Variants in CELF5 observed in about 807,000 individuals in gnomAD.
CELF5 encodes the protein CUG-BP and ETR-3 like factor 5.
Under a neutral mutation model 54.9 loss-of-function variants are expected in CELF5, and 6 were observed. That is an observed-to-expected ratio of 0.11 (90% CI 0.06 to 0.22). The LOEUF (loss-of-function observed/expected upper bound fraction) is 0.22. Among genes scored for constraint, CELF5 ranks in the 10% least tolerant of loss-of-function variants. CELF5 has a pLI of 1.00. For missense variants in CELF5, 401 were observed against 678.6 expected (o/e 0.59, Z 4.54); for synonymous variants, 271 against 290.9 (o/e 0.93, Z 0.70).
intron 1 of CELF5, among the ~76,000 whole-genome samples, chr19:3,226,320 C>T (rs898757216): frequency 6.6e-6 from 1 of 151,936 alleles, no homozygotes; most frequent in Non-Finnish European, 1.5e-5. Context: ...CAAGAAGGCC[C>T]TAGGGAGGGT....
At chr19:3,280,210 C>G (rs2080125325) in intron 5 of CELF5, among the ~76,000 whole-genome samples, 1 of 152,088 alleles carries the variant, frequency 6.6e-6, no homozygotes. Context: ...GCCCCCAGTC[C>G]CCACCAGTGG....
intron 11 of CELF5, 74 bp from the exon 12 acceptor site, chr19:3,293,245 C>T: frequency 6.3e-7 from 1 of 1,584,456 alleles, no homozygotes; most frequent in South Asian, 1.2e-5. Flanking sequence ...AGCCGGGAAG[C>T]CAGGGCCACA....
rs1444039957 is a variant in CELF5 at position 3,228,039 on chromosome 19, G to T, written c.259+3041G>T. On this transcript the variant is annotated intron_variant, in intron 1 of 12. Transcript: ENST00000292672. The surrounding 1 kb of genome is among the most constrained non-coding windows in gnomAD (Gnocchi z 6.0). The stretch of plus-strand genomic sequence containing the variant: ...CTCATCCAGGAGCGGGGCAGGGGTA[G>T]GGGGAGAGGGATGCGTCGAGGTGGT... Among the ~76,000 whole-genome samples the T allele has an allele frequency of 6.6e-6, 1 of 152,094 alleles. No homozygotes were observed. Among genetic ancestry groups the T allele is most frequent in the Non-Finnish European group, 1.5e-5 (1 of 68,008 alleles).
At position 3,266,436 on chromosome 19, in the gene CELF5, AAAG is replaced by A. The variant is rs879532330; in HGVS notation, c.343-7425_343-7423del. 5.5e-3 allele frequency among the ~76,000 whole-genome samples: 832 copies of A among 152,228 alleles called. 2 individuals carry two copies. Among genetic ancestry groups the A allele is most frequent in the African/African-American group, 7.2e-3 (298 of 41,546 alleles). On this transcript the variant is annotated intron_variant, in intron 2 of 12. Coordinates refer to ENST00000292672, the MANE Select transcript of CELF5 (RefSeq NM_021938.4). The stretch of plus-strand genomic sequence containing the variant: ...AGACCCAGTACAAACAAAAAAAAAA[AAAG>A]AAGAAGAAGAGGAAAGAAAGAATCA...
At chr19:3,257,751 C>G (rs978569899) in intron 2 of CELF5, among the ~76,000 whole-genome samples, 1 of 151,652 alleles carries the variant, frequency 6.6e-6, no homozygotes, top group African/African-American at 2.4e-5. Flanking sequence ...GCTGGGATTA[C>G]AGGCATGAGC....
At chr19:3,261,420 A>G (rs1035125347) in intron 2 of CELF5, among the ~76,000 whole-genome samples, 5 of 145,562 alleles carry the variant, frequency 3.4e-5, no homozygotes, top group African/African-American at 1.3e-4. Flanking sequence ...TCCATCTCAG[A>G]AAAAAAAAAA....
rs763251502 is a variant in CELF5 at position 3,293,447 on chromosome 19, C to T, written c.*1C>T. 1.2e-6 allele frequency: 2 copies of T among 1,613,990 alleles called. No homozygotes were observed. The highest frequency in any genetic ancestry group is 2.2e-5 in the South Asian group (2 of 91,082). On this transcript the variant is annotated 3_prime_UTR_variant, in exon 12 of 13. Transcript: ENST00000292672. ...CAAAGACCCGGGACACCCCTACTGA[C>T]CGCGCCCACAGCCGCCCTGAGGCTG...
At chr19:3,271,280 C>A (rs1409376844) in intron 2 of CELF5, among the ~76,000 whole-genome samples, 1 of 151,854 alleles carries the variant, frequency 6.6e-6, no homozygotes, top group Non-Finnish European at 1.5e-5. Flanking sequence ...CCGCTTCCAG[C>A]CCAGAAGCTG....
At chr19:3,243,110 A>C (rs1248553833) in intron 1 of CELF5, among the ~76,000 whole-genome samples, 1 of 152,204 alleles carries the variant, frequency 6.6e-6, no homozygotes, top group Admixed American at 6.5e-5. Context: ...AGGGGCTACT[A>C]TGAGTATTAA....
chr19:3,292,303 G>GT lies in CELF5; in HGVS notation c.1331-999dup, dbSNP rs55841367. 5.2e-3 allele frequency among the ~76,000 whole-genome samples: 732 copies of GT among 141,708 alleles called. 13 individuals carry two copies. The highest frequency in any genetic ancestry group is 0.034 in the Admixed American group (471 of 13,978). 93.0% of individuals were successfully genotyped at this position (141,708 alleles called of 152,430 possible). On this transcript the variant is annotated intron_variant, in intron 11 of 12. Coordinates refer to ENST00000292672, the MANE Select transcript of CELF5 (RefSeq NM_021938.4). Reference sequence around the variant, plus strand: ...GTTTAAAGGGTCAGCCCTTGACTTTGTTTTTTTTTTTTTTTTTGAAATGGA... The same window carrying GT: ...GTTTAAAGGGTCAGCCCTTGACTTTGTTTTTTTTTTTTTTTTTTGAAATGGA...
chr19:3,286,525 C>A (rs1020333614), intron 10 of CELF5: 1 of 153,392 alleles, frequency 6.5e-6, no homozygotes, highest in African/African-American at 2.4e-5. Context: ...TCACTTGAGC[C>A]CAGGAGTCCA....
chr19:3,277,607 C>A (rs1197907831), intron 4 of CELF5, among the ~76,000 whole-genome samples: 2 of 152,136 alleles, frequency 1.3e-5, no homozygotes, highest in African/African-American at 4.8e-5. Flanking sequence ...ACATTCCACC[C>A]CCTCCCTCCA....
rs1454079377 is a variant in CELF5 at position 3,251,055 on chromosome 19, G to A, written c.330G>A (p.Lys110=). ...CTCAGACTGCCCTGCACGAGCAGAA[G>A]ACCTTGCCCGGAGTGAGTCCTGTGT... ...IKAQTALHEQ[K]TLPGMARPIQ... The change falls in exon 2 of 13, where the codon AAG becomes AAA. Residue 110 remains lysine (K), a synonymous_variant. Transcript: ENST00000292672. 2 of 1,613,852 alleles carry A rather than the reference G, an allele frequency of 1.2e-6. No individual in the cohort carries two copies. Among genetic ancestry groups the A allele is most frequent in the Admixed American group, 3.3e-5 (2 of 60,002 alleles).
chr19:3,291,962 T>A (rs569201822), intron 11 of CELF5, among the ~76,000 whole-genome samples: 1 of 152,316 alleles, frequency 6.6e-6, no homozygotes, highest in South Asian at 2.1e-4. Context: ...TTGGCTTTTT[T>A]TGAGGCAGAG....
At chr19:3,235,772 A>G (rs917585857) in intron 1 of CELF5, among the ~76,000 whole-genome samples, 1,274 of 34,330 alleles carry the variant, frequency 0.037, no homozygotes, top group Middle Eastern at 0.05. Context: ...ATGGGTGGAT[A>G]GATGGATGGA....
At chr19:3,238,215 A>G (rs567285446) in intron 1 of CELF5, among the ~76,000 whole-genome samples, 5 of 152,234 alleles carry the variant, frequency 3.3e-5, no homozygotes, top group African/African-American at 9.6e-5. Flanking sequence ...TTAGCTGGGC[A>G]GTAGTGGCAA....
chr19:3,235,226 G>A (rs1917480266), intron 1 of CELF5, among the ~76,000 whole-genome samples: 1 of 151,718 alleles, frequency 6.6e-6, no homozygotes, highest in Admixed American at 6.6e-5. Context: ...TCTTCTGTAA[G>A]CTTCACCTTT....
At chr19:3,252,792 G>A (rs1057325083) in intron 2 of CELF5, among the ~76,000 whole-genome samples, 3 of 151,970 alleles carry the variant, frequency 2.0e-5, no homozygotes, top group Non-Finnish European at 2.9e-5. Flanking sequence ...CTGTGGGCTC[G>A]TTGCTCAGCT....
chr19:3,254,705 A>G (rs1271599002), intron 2 of CELF5, among the ~76,000 whole-genome samples: 3 of 150,588 alleles, frequency 2.0e-5, no homozygotes, highest in South Asian at 4.2e-4. Flanking sequence ...TCACCCACAC[A>G]TCCATCCATC....
Sources: gnomAD v4.1 joint callset for allele counts (sites outside exome capture counted in the v4.1 genomes callset) on GRCh38, gnomAD v4.1.1 for gene constraint, Gnocchi (gnomAD v3.1) non-coding constraint, MANE v1.5 for transcripts, NCBI Gene and HGNC (gene_info 2026-07-23, HGNC 2026-07-21) for gene names.